Variants in ARHGAP42 observed in about 807,000 individuals in gnomAD.
ARHGAP42 encodes rho GTPase-activating protein 42.
Under a neutral mutation model 125.0 loss-of-function variants are expected in ARHGAP42, and 63 were observed. The observed-to-expected ratio is 0.50, with a 90% CI of 0.41 to 0.62. ARHGAP42 has a LOEUF of 0.62. Ranked by LOEUF, ARHGAP42 falls within the 20% of genes least tolerant of loss-of-function variation. The pLI, the probability that ARHGAP42 is intolerant of heterozygous loss-of-function variation, is 0.00. For synonymous variants in ARHGAP42, 339 were observed against 351.0 expected, an observed-to-expected ratio of 0.97 and a Z score of 0.38; for missense variants, 766 against 1,024.2, an observed-to-expected ratio of 0.75 and a Z score of 3.44.
intron 4 of ARHGAP42, among the ~76,000 whole-genome samples, chr11:100,907,952 T>G (rs1194958153): frequency 6.6e-6 from 1 of 152,204 alleles, no homozygotes; most frequent in African/African-American, 2.4e-5. Flanking sequence ...ATTTAGGTAA[T>G]GGCTATGCTA....
Position 100,705,587 on chromosome 11 carries a change from T to A in ARHGAP42, c.154+17755T>A, listed in dbSNP as rs1861470201. Reference sequence around the variant, plus strand: ...TTAAATGTTAGTTTTCTCACCTTGTTCATCTGTAGCTAATGTTAAGACTAG... The same window carrying A: ...TTAAATGTTAGTTTTCTCACCTTGTACATCTGTAGCTAATGTTAAGACTAG... On this transcript the variant is annotated intron_variant, in intron 1 of 23. Transcript: ENST00000298815. Among the ~76,000 whole-genome samples the A allele has an allele frequency of 2.6e-5, 4 of 152,368 alleles. No homozygotes were observed. In the South Asian group the frequency reaches 8.3e-4, roughly 32 times the overall value.
chr11:100,914,496 A>G (rs904964261), intron 5 of ARHGAP42, among the ~76,000 whole-genome samples: 45 of 130,756 alleles, frequency 3.4e-4, no homozygotes, highest in African/African-American at 1.3e-3. Context: ...CTCCCTTGCC[A>G]TTGTCACCTT....
intron 3 of ARHGAP42, among the ~76,000 whole-genome samples, chr11:100,805,106 GAAGTGTATGCTATTAATATACCCATTTCA>G (rs1565221584): frequency 6.6e-6 from 1 of 152,208 alleles, no homozygotes; most frequent in African/African-American, 2.4e-5. Context: ...GCAGTCTTCA[GAAGTGTATGCTATTAATATACCCATTTCA>G]AAGTGTATGC....
intron 3 of ARHGAP42, among the ~76,000 whole-genome samples, chr11:100,811,763 G>A (rs751265165): frequency 7.9e-5 from 12 of 152,052 alleles, no homozygotes; most frequent in Non-Finnish European, 1.5e-4. Flanking sequence ...GCCTCCCAAA[G>A]TGCTGGGATT....
At chr11:100,841,833 C>T (rs988574141) in intron 3 of ARHGAP42, among the ~76,000 whole-genome samples, 14 of 152,120 alleles carry the variant, frequency 9.2e-5, no homozygotes, top group Non-Finnish European at 1.0e-4. Flanking sequence ...TTTGCCTATC[C>T]AGTTTAATTC....
At chr11:100,721,776 C>G (rs913943943) in intron 1 of ARHGAP42, among the ~76,000 whole-genome samples, 3 of 152,028 alleles carry the variant, frequency 2.0e-5, no homozygotes, top group Non-Finnish European at 4.4e-5. Context: ...GCCTGGCCAG[C>G]TTATTCATTT....
At chr11:100,812,431 C>G (rs1864168599) in intron 3 of ARHGAP42, among the ~76,000 whole-genome samples, 1 of 152,138 alleles carries the variant, frequency 6.6e-6, no homozygotes, top group Non-Finnish European at 1.5e-5. Context: ...CTTCTGCCTT[C>G]CAGTTGGCAG....
intron 21 of ARHGAP42, among the ~76,000 whole-genome samples, chr11:100,978,312 G>T (rs1261206141): frequency 6.6e-6 from 1 of 152,062 alleles, no homozygotes; most frequent in Non-Finnish European, 1.5e-5. Flanking sequence ...AAATAAGATA[G>T]ATTTTTTAAA....
intron 4 of ARHGAP42, among the ~76,000 whole-genome samples, chr11:100,875,416 G>A (rs1321376438): frequency 6.6e-6 from 1 of 151,958 alleles, no homozygotes; most frequent in African/African-American, 2.4e-5. Flanking sequence ...GCAATTTAAG[G>A]CATTTCTGGC....
At chr11:100,797,756 T>C (rs995104776) in intron 3 of ARHGAP42, among the ~76,000 whole-genome samples, 2 of 152,254 alleles carry the variant, frequency 1.3e-5, no homozygotes, top group Non-Finnish European at 2.9e-5. Context: ...AGGAGTAATT[T>C]TGACTTTCAA....
At chr11:100,773,449 G>C (rs984063324) in intron 2 of ARHGAP42, among the ~76,000 whole-genome samples, 2 of 152,090 alleles carry the variant, frequency 1.3e-5, no homozygotes, top group African/African-American at 4.8e-5. Flanking sequence ...TCATATACAT[G>C]AATTTATGAA....
intron 1 of ARHGAP42, among the ~76,000 whole-genome samples, chr11:100,720,658 A>G (rs185564446): frequency 1.8e-4 from 26 of 146,266 alleles, no homozygotes; most frequent in African/African-American, 6.8e-4. Context: ...CGTTAATTGT[A>G]TATGACTGTA....
chr11:100,903,117 G>GCGCGCACACACACACACACACACACACA, intron 4 of ARHGAP42, among the ~76,000 whole-genome samples: 1 of 131,940 alleles, frequency 7.6e-6, no homozygotes, highest in South Asian at 2.7e-4. Flanking sequence ...TCCAAGATGC[G>GCGCGCACACACACACACACACACACACA]CACACACACA....
chr11:100,814,126 G>C (rs1026744512), intron 3 of ARHGAP42, among the ~76,000 whole-genome samples: 1 of 152,160 alleles, frequency 6.6e-6, no homozygotes, highest in Non-Finnish European at 1.5e-5. Flanking sequence ...CAGGGAGGCA[G>C]AGGTTACAGT....
chr11:100,952,438 T>A (rs941844671), intron 12 of ARHGAP42, among the ~76,000 whole-genome samples: 3 of 152,178 alleles, frequency 2.0e-5, no homozygotes, highest in African/African-American at 7.2e-5. Context: ...AATTAAGTAT[T>A]GTAAACCTTC....
At chr11:100,747,411 A>G (rs911367365) in intron 1 of ARHGAP42, among the ~76,000 whole-genome samples, 3 of 152,226 alleles carry the variant, frequency 2.0e-5, no homozygotes, top group African/African-American at 7.2e-5. Context: ...ATATTTATCC[A>G]ATTTTTAATG....
At chr11:100,941,002 A>G (rs1484251437) in intron 8 of ARHGAP42, among the ~76,000 whole-genome samples, 1 of 152,190 alleles carries the variant, frequency 6.6e-6, no homozygotes, top group Admixed American at 6.6e-5. Flanking sequence ...AGAGATAAGT[A>G]TTAAGGTGAG....
intron 4 of ARHGAP42, among the ~76,000 whole-genome samples, chr11:100,875,109 G>C (rs608749): frequency 0.13 from 4,654 of 35,282 alleles, 76 homozygotes; most frequent in Non-Finnish European, 0.16. Flanking sequence ...CTCTCTCTCT[G>C]TGTGTGTGTG....
chr11:100,803,268 G>T (rs1334617293), intron 3 of ARHGAP42, among the ~76,000 whole-genome samples: 2 of 152,068 alleles, frequency 1.3e-5, no homozygotes, highest in South Asian at 2.1e-4. Context: ...AAGTAGGCTT[G>T]TTTGGGGAGT....
Sources: allele counts gnomAD v4.1 joint callset (sites outside exome capture counted in the v4.1 genomes callset), GRCh38; gene constraint gnomAD v4.1.1; transcripts MANE v1.5; gene names NCBI Gene and HGNC (gene_info 2026-07-23, HGNC 2026-07-21).